Variants in CCR2 observed in about 807,000 individuals in gnomAD.
The protein encoded by CCR2 is C-C motif chemokine receptor 2, also known as C-C chemokine receptor type 2.
For synonymous variants in CCR2, 183 were observed against 177.1 expected, an observed-to-expected ratio of 1.03 and a Z score of -0.27; for missense variants, 408 against 440.0, an observed-to-expected ratio of 0.93 and a Z score of 0.65.
intron 1 of CCR2, among the ~76,000 whole-genome samples, chr3:46,355,695 G>A (rs1457463066): frequency 6.6e-6 from 1 of 152,014 alleles, no homozygotes; most frequent in Non-Finnish European, 1.5e-5. Context: ...AGTGCAGAGG[G>A]GATGAATCTG....
chr3:46,357,732 A>G lies in CCR2; in HGVS notation c.205A>G (p.Asn69Asp), dbSNP rs747475266. 23 of 1,614,042 alleles carry G rather than the reference A, an allele frequency of 1.4e-5. No individual in the cohort carries two copies. Among genetic ancestry groups the G allele is most frequent in the African/African-American group, 4.0e-5 (3 of 74,914 alleles). The change falls in exon 2 of 2, where the codon AAC becomes GAC. Residue 69 changes from asparagine to aspartate, a missense_variant. Asn to Asp is a conservative substitution (Grantham distance 23). Coordinates refer to ENST00000445132, the MANE Select transcript of CCR2 (RefSeq NM_001123396.4). ...GNMLVVLILI[N>D]CKKLKCLTDI... ...CATGCTGGTCGTCCTCATCTTAATA[A>G]ACTGCAAAAAGCTGAAGTGCTTGAC...
chr3:46,358,279 T>C lies in CCR2; in HGVS notation c.752T>C (p.Val251Ala). The C allele has an allele frequency of 6.2e-7, 1 of 1,614,146 alleles. No individual in the cohort carries two copies. Among genetic ancestry groups the C allele is most frequent in the African/African-American group, 1.3e-5 (1 of 75,020 alleles). ...AVRVIFTIMIVYFLFWTPYNI... is the reference protein window; with the variant it reads ...AVRVIFTIMIAYFLFWTPYNI... ...AGAGTCATCTTCACCATCATGATTG[T>C]TTACTTTCTCTTCTGGACTCCCTAT... The change falls in exon 2 of 2, where the codon GTT becomes GCT. Residue 251 changes from valine to alanine, a missense_variant. Val to Ala is a moderately conservative substitution (Grantham distance 64). Transcript: ENST00000445132.
rs1055084032 is a variant in CCR2 at position 46,357,754 on chromosome 3, T to G, written c.227T>G (p.Leu76Trp). ...ATAAACTGCAAAAAGCTGAAGTGCTTGACTGACATTTACCTGCTCAACCTG... is the reference window on the plus strand; with the variant it reads ...ATAAACTGCAAAAAGCTGAAGTGCTGGACTGACATTTACCTGCTCAACCTG... ...ILINCKKLKC[L>W]TDIYLLNLAI... is the part of the protein sequence containing the mutation. The change falls in exon 2 of 2, where the codon TTG becomes TGG. Residue 76 changes from leucine (L) to tryptophan (W), a missense_variant. Physicochemically the swap from Leu to Trp is moderately conservative, Grantham distance 61. Transcript: ENST00000445132. 7 of 1,614,194 alleles carry G rather than the reference T, an allele frequency of 4.3e-6. No individual in the cohort carries two copies. Among genetic ancestry groups the G allele is most frequent in the Non-Finnish European group, 5.9e-6 (7 of 1,180,024 alleles).
At chr3:46,355,650 G>C (rs1701438948) in intron 1 of CCR2, among the ~76,000 whole-genome samples, 1 of 152,170 alleles carries the variant, frequency 6.6e-6, no homozygotes, top group Non-Finnish European at 1.5e-5. Flanking sequence ...CCAGGAGTGA[G>C]GAGTGTGTGA....
In CCR2 at chr3:46,358,681, T is replaced by C. The variant is rs923936432; in HGVS notation, c.*71T>C. ...TGTATATAACAACAAACTTCAAGGGTTTGTTGAACAATAGAAACCTGTAAA... is the reference window on the plus strand; with the variant it reads ...TGTATATAACAACAAACTTCAAGGGCTTGTTGAACAATAGAAACCTGTAAA... On this transcript the variant is annotated 3_prime_UTR_variant, in exon 2 of 2. Coordinates refer to ENST00000445132, the MANE Select transcript of CCR2 (RefSeq NM_001123396.4). 12 of 1,494,242 alleles carry C rather than the reference T, an allele frequency of 8.0e-6. No homozygotes were observed. The Admixed American group carries it at 9.2e-5, about 11-fold the overall frequency. The allele number at this position is 1,494,242 out of a possible 1,614,324, so 92.6% of individuals were successfully genotyped here.
Position 46,357,483 on chromosome 3 carries a change from G to A in CCR2, c.-45G>A, listed in dbSNP as rs1416666144. The A allele has an allele frequency of 6.3e-7, 1 of 1,587,864 alleles. No individual in the cohort carries two copies. Among genetic ancestry groups the A allele is most frequent in the East Asian group, 2.2e-5 (1 of 44,642 alleles). On this transcript the variant is annotated 5_prime_UTR_variant, in exon 2 of 2. Coordinates refer to ENST00000445132, the MANE Select transcript of CCR2 (RefSeq NM_001123396.4). ...TTTTGTTCTTTGTTTACAGAACAGA[G>A]AAAGTGGATTGAACAAGGACGCATT...
At chr3:46,354,389 G>A (rs548516648) in intron 1 of CCR2, among the ~76,000 whole-genome samples, 1 of 152,198 alleles carries the variant, frequency 6.6e-6, no homozygotes, top group African/African-American at 2.4e-5. Flanking sequence ...CAGGTGATGG[G>A]GGAGAGTGGG....
Position 46,359,708 on chromosome 3 carries a change from G to GC in CCR2, c.*1102dup. The stretch of plus-strand genomic sequence containing the variant: ...TCACATAGCTCTTGGCTGTAGGATT[G>GC]CCCCACTCCAAAAACCAGTGTGTGG... On this transcript the variant is annotated 3_prime_UTR_variant, in exon 2 of 2. Transcript: ENST00000445132. The GC allele has an allele frequency of 6.2e-7, 1 of 1,613,774 alleles. No homozygotes were observed.
chr3:46,357,286 T>C (rs1575272743), intron 1 of CCR2, among the ~76,000 whole-genome samples, 191 bp from the exon 2 acceptor site: 2 of 152,192 alleles, frequency 1.3e-5, no homozygotes, highest in South Asian at 4.1e-4. Context: ...AAAATGGCTG[T>C]TGGGTAAATC....
In CCR2 at chr3:46,358,925, A is replaced by G. The variant is rs111312130; in HGVS notation, c.*315A>G. 15 of 1,085,302 alleles carry G rather than the reference A, an allele frequency of 1.4e-5. No individual in the cohort carries two copies. Among genetic ancestry groups the G allele is most frequent in the African/African-American group, 8.4e-5 (5 of 59,820 alleles). The allele number at this position is 1,085,302 out of a possible 1,614,324, so 67.2% of individuals were successfully genotyped here. ...CTTCACTCAATCTCTGATTCTGTCA[A>G]TGTCTTGAAATCAAGGGCCAGCTGG... On this transcript the variant is annotated 3_prime_UTR_variant, in exon 2 of 2. Coordinates refer to ENST00000445132, the MANE Select transcript of CCR2 (RefSeq NM_001123396.4).
rs1183126868 is a variant in CCR2 at position 46,359,626 on chromosome 3, C to G, written c.*1016C>G. ...TGGATCTGAGCTGGTTTGTTTTGTG[C>G]TTGCTTTTCCCTGCCTTGCCACTCC... On this transcript the variant is annotated 3_prime_UTR_variant, in exon 2 of 2. Transcript: ENST00000445132. 6.4e-7 allele frequency: 1 copy of G among 1,555,050 alleles called. No homozygotes were observed. The highest frequency in any genetic ancestry group is 1.4e-5 in the African/African-American group (1 of 72,584).
Position 46,359,603 on chromosome 3 carries a change from G to T in CCR2, c.*993G>T, listed in dbSNP as rs1480986565. The T allele has an allele frequency of 1.9e-5, 27 of 1,431,982 alleles. No individual in the cohort carries two copies. The highest frequency in any genetic ancestry group is 2.4e-5 in the Non-Finnish European group (25 of 1,056,146). The allele number at this position is 1,431,982 out of a possible 1,614,324, so 88.7% of individuals were successfully genotyped here. A position where few individuals can be genotyped will look rare whatever the true frequency, so the allele number is the denominator to read the frequency against. On this transcript the variant is annotated 3_prime_UTR_variant, in exon 2 of 2. Coordinates refer to ENST00000445132, the MANE Select transcript of CCR2 (RefSeq NM_001123396.4). Reference sequence around the variant, plus strand: ...AGAACCCAGTAAAGCTTCTTGTCTGGATCTGAGCTGGTTTGTTTTGTGCTT... The same window carrying T: ...AGAACCCAGTAAAGCTTCTTGTCTGTATCTGAGCTGGTTTGTTTTGTGCTT...
At chr3:46,356,877 C>A (rs1701461695) in intron 1 of CCR2, among the ~76,000 whole-genome samples, 1 of 150,824 alleles carries the variant, frequency 6.6e-6, no homozygotes, top group African/African-American at 2.5e-5. Context: ...GAGATCATGG[C>A]CACTGCACTA....
At position 46,357,904 on chromosome 3, in the gene CCR2, G is replaced by C. The variant is rs773943704; in HGVS notation, c.377G>C (p.Gly126Ala). 12 of 1,614,106 alleles carry C rather than the reference G, an allele frequency of 7.4e-6. No homozygotes were observed. The highest frequency in any genetic ancestry group is 9.3e-6 in the Non-Finnish European group (11 of 1,180,010). ...GGGCTGTATCACATCGGTTATTTTG[G>C]CGGAATCTTCTTCATCATCCTCCTG... Reference protein sequence around the residue: ...FTGLYHIGYFGGIFFIILLTI... With the variant: ...FTGLYHIGYFAGIFFIILLTI... Residue 126 changes from glycine (G) to alanine (A), a missense_variant, in exon 2 of 2, where the codon GGC (glycine) becomes GCC (alanine). Coordinates refer to ENST00000445132, the MANE Select transcript of CCR2 (RefSeq NM_001123396.4).
In CCR2 at chr3:46,359,864, C is replaced by A; in HGVS notation, c.*1254C>A. ...TCAGGACAAAGAAGGAGCCTAGAGA[C>A]AGAAATGACAGATCTCTGCTTTGGA... On this transcript the variant is annotated 3_prime_UTR_variant, in exon 2 of 2. Transcript: ENST00000445132. 1 of 1,611,370 alleles carries A rather than the reference C, an allele frequency of 6.2e-7. No individual in the cohort carries two copies. Among genetic ancestry groups the A allele is most frequent in the East Asian group, 2.2e-5 (1 of 44,826 alleles).
At chr3:46,357,448 G>A in intron 1 of CCR2, 29 bp from the exon 2 acceptor site, 1 of 1,450,154 alleles carries the variant, frequency 6.9e-7, no homozygotes, top group Non-Finnish European at 9.5e-7. Flanking sequence ...TTTGTGTTGT[G>A]TGGTCATCAT....
intron 1 of CCR2, among the ~76,000 whole-genome samples, 200 bp downstream of exon 1, chr3:46,354,377 A>G (rs138409969): frequency 6.6e-6 from 1 of 152,156 alleles, no homozygotes. Context: ...AGCAGCGTGC[A>G]GCAGGTGATG....
At chr3:46,356,484 G>A (rs1176538491) in intron 1 of CCR2, among the ~76,000 whole-genome samples, 1 of 152,154 alleles carries the variant, frequency 6.6e-6, no homozygotes, top group Non-Finnish European at 1.5e-5. Context: ...TACTTGAAGA[G>A]GGTGGAATTG....
In CCR2 at chr3:46,359,844, A is replaced by G. The variant is rs1559563249; in HGVS notation, c.*1234A>G. On this transcript the variant is annotated 3_prime_UTR_variant, in exon 2 of 2. Transcript: ENST00000445132. Reference sequence around the variant, plus strand: ...AGAGCCCCTGAAGCCAGTCTTCAGGACAAAGAAGGAGCCTAGAGACAGAAA... The same window carrying G: ...AGAGCCCCTGAAGCCAGTCTTCAGGGCAAAGAAGGAGCCTAGAGACAGAAA... The G allele has an allele frequency of 6.2e-7, 1 of 1,613,766 alleles. No individual in the cohort carries two copies. The highest frequency in any genetic ancestry group is 2.2e-5 in the East Asian group (1 of 44,858).
Sources: allele counts gnomAD v4.1 joint callset (sites outside exome capture counted in the v4.1 genomes callset), GRCh38; gene constraint gnomAD v4.1.1; transcripts MANE v1.5; gene names NCBI Gene and HGNC (gene_info 2026-07-23, HGNC 2026-07-21).